Variants in KIAA1217 observed in about 807,000 individuals in gnomAD.
KIAA1217 encodes sickle tail protein homolog.
In KIAA1217, 88 loss-of-function variants were observed where a neutral mutation model predicts 163.9. That is an observed-to-expected ratio of 0.54 (90% CI 0.45 to 0.64). The LOEUF (loss-of-function observed/expected upper bound fraction) is 0.64, where lower values mean the gene tolerates loss of function less well. Among genes scored for constraint, KIAA1217 ranks in the 30% least tolerant of loss-of-function variants. KIAA1217 has a pLI of 0.00. For missense variants in KIAA1217, 2,372 were observed against 2,475.0 expected (o/e 0.96, Z 0.88); for synonymous variants, 903 against 923.1 (o/e 0.98, Z 0.39).
At chr10:23,849,886 G>T (rs1254856316) in intron 1 of KIAA1217, among the ~76,000 whole-genome samples, 3 of 151,884 alleles carry the variant, frequency 2.0e-5, no homozygotes, top group African/African-American at 7.3e-5. Flanking sequence ...AGAGTTTTCT[G>T]CCAATTTCCA....
At chr10:24,079,536 G>T (rs1402755653) in intron 2 of KIAA1217, among the ~76,000 whole-genome samples, 6 of 152,196 alleles carry the variant, frequency 3.9e-5, no homozygotes, top group African/African-American at 1.4e-4. Context: ...AATATGATCA[G>T]CCAATTTAAA....
In KIAA1217 at chr10:24,095,325, C is replaced by T. The variant is rs553435579; in HGVS notation, c.-171+87951C>T. On this transcript the variant is annotated intron_variant, in intron 2 of 18. Transcript: ENST00000376462. ...AAATGCAGAAATCACCCATCTTCTG[C>T]GTCGCTCATGCTGGGAGCCGTAGAC... Among the ~76,000 whole-genome samples the T allele has an allele frequency of 2.8e-4, 43 of 152,240 alleles. No individual in the cohort carries two copies. The South Asian group carries it at 5.8e-3, about 21-fold the overall frequency.
rs376231695 is a variant in KIAA1217, at chr10:24,422,177, C to T, written c.554-10818C>T. ...ACAAGAACAGCATGGGAAAGACCCA[C>T]CCCCATGATTCAGTTACCTCCCACC... On this transcript the variant is annotated intron_variant, in intron 3 of 20. Transcript: ENST00000376454. 8.5e-5 allele frequency among the ~76,000 whole-genome samples: 13 copies of T among 152,214 alleles called. 1 individual carries two copies. Among genetic ancestry groups the T allele is most frequent in the East Asian group, 3.9e-4 (2 of 5,178 alleles).
intron 3 of KIAA1217, among the ~76,000 whole-genome samples, chr10:24,418,535 C>T (rs970422278): frequency 2.0e-5 from 3 of 152,158 alleles, no homozygotes; most frequent in African/African-American, 7.2e-5. Flanking sequence ...ATGCTGAAAA[C>T]TTTCTAAAGA....
chr10:24,124,401 C>G (rs993386017), intron 2 of KIAA1217, among the ~76,000 whole-genome samples: 1 of 151,906 alleles, frequency 6.6e-6, no homozygotes, highest in African/African-American at 2.4e-5. Context: ...CAGTTCTGCT[C>G]ATTCTTTAGT....
At chr10:23,954,192 T>G (rs941137205) in intron 1 of KIAA1217, among the ~76,000 whole-genome samples, 1 of 152,214 alleles carries the variant, frequency 6.6e-6, no homozygotes, top group Middle Eastern at 3.4e-3. Context: ...AGTAAGTCAA[T>G]AGACGGAAAG....
In KIAA1217 at chr10:24,511,152, C is replaced by CAAAAAAAAAAAA. The variant is rs58529942; in HGVS notation, c.2002-2097_2002-2086dup. The stretch of plus-strand genomic sequence containing the variant: ...TGGGCAACAGAGTGAGACTCTGTCT[C>CAAAAAAAAAAAA]AAAAAAAAAAAAAAAAAAAAAGGAG... On this transcript the variant is annotated intron_variant, in intron 9 of 20. Coordinates refer to ENST00000376454, the MANE Select transcript of KIAA1217 (RefSeq NM_019590.5). Among the ~76,000 whole-genome samples, 192 of 34,446 alleles carry CAAAAAAAAAAAA rather than the reference C, an allele frequency of 5.6e-3. 31 individuals are homozygous for CAAAAAAAAAAAA. The highest frequency in any genetic ancestry group is 0.04 in the East Asian group (35 of 884). The allele number at this position is 34,446 out of a possible 152,430, so 22.6% of individuals were successfully genotyped here.
intron 1 of KIAA1217, among the ~76,000 whole-genome samples, chr10:23,770,772 C>T (rs565268867): frequency 1.3e-5 from 2 of 152,286 alleles, no homozygotes; most frequent in East Asian, 1.9e-4. Flanking sequence ...ATGGATTGAC[C>T]TTTGATCTCC....
intron 1 of KIAA1217, among the ~76,000 whole-genome samples, chr10:23,936,950 C>T (rs537650110): frequency 9.2e-5 from 14 of 152,242 alleles, no homozygotes; most frequent in African/African-American, 3.4e-4. Context: ...GTCATCTCAG[C>T]TTACTGCAAC....
chr10:24,384,284 T>A (rs1320104676), intron 3 of KIAA1217, among the ~76,000 whole-genome samples: 2 of 40,710 alleles, frequency 4.9e-5, no homozygotes, highest in African/African-American at 5.5e-4. Flanking sequence ...TTATCATGAA[T>A]TTTTTTTATC....
intron 1 of KIAA1217, among the ~76,000 whole-genome samples, chr10:23,911,792 C>G (rs1196399077): frequency 2.6e-5 from 4 of 152,082 alleles, no homozygotes; most frequent in Non-Finnish European, 5.9e-5. Context: ...TTCAACTCTT[C>G]CTTCTGTATG....
chr10:24,446,621 C>T (rs533774064), intron 5 of KIAA1217, among the ~76,000 whole-genome samples: 2 of 152,240 alleles, frequency 1.3e-5, no homozygotes, highest in Admixed American at 1.3e-4. Flanking sequence ...ATTTAGAGAT[C>T]GTTTTTGACC....
chr10:23,731,969 A>C (rs1194215967), intron 1 of KIAA1217, among the ~76,000 whole-genome samples: 1 of 152,124 alleles, frequency 6.6e-6, no homozygotes, highest in Non-Finnish European at 1.5e-5. Flanking sequence ...GTTGTGGTGT[A>C]TAACTCTTGT....
intron 2 of KIAA1217, among the ~76,000 whole-genome samples, chr10:24,052,844 T>G (rs1849614102): frequency 6.6e-6 from 1 of 152,112 alleles, no homozygotes; most frequent in Non-Finnish European, 1.5e-5. Context: ...TAGGAGCAAA[T>G]TATCACGAGC....
At chr10:23,927,325 G>GGTGTGTGT (rs57321785) in intron 1 of KIAA1217, among the ~76,000 whole-genome samples, 8,448 of 143,008 alleles carry the variant, frequency 0.059, 559 homozygotes, top group African/African-American at 0.17. Flanking sequence ...CAAGTCATAG[G>GGTGTGTGT]GTGTGTGTGT....
At chr10:23,824,583 G>T (rs1837784616) in intron 1 of KIAA1217, among the ~76,000 whole-genome samples, 1 of 133,768 alleles carries the variant, frequency 7.5e-6, no homozygotes, top group South Asian at 2.5e-4. Flanking sequence ...AGCTGAGATG[G>T]CGCCATTGCA....
At chr10:23,819,236 C>T (rs2131007991) in intron 1 of KIAA1217, among the ~76,000 whole-genome samples, 1 of 152,218 alleles carries the variant, frequency 6.6e-6, no homozygotes, top group South Asian at 2.1e-4. Context: ...TGTCCAGGTT[C>T]CTTGCAGTCA....
chr10:24,384,815 C>T (rs1448105192), intron 3 of KIAA1217, among the ~76,000 whole-genome samples: 2 of 152,224 alleles, frequency 1.3e-5, no homozygotes, highest in East Asian at 1.9e-4. Flanking sequence ...GGATTACTGG[C>T]GTGAGCCACC....
intron 1 of KIAA1217, among the ~76,000 whole-genome samples, chr10:23,848,609 T>G: frequency 6.6e-6 from 1 of 152,086 alleles, no homozygotes; most frequent in East Asian, 1.9e-4. Context: ...TCTGGCATTT[T>G]ATATTTTTGT....
Sources: allele counts gnomAD v4.1 joint callset (sites outside exome capture counted in the v4.1 genomes callset), GRCh38; gene constraint gnomAD v4.1.1; transcripts MANE v1.5; gene names NCBI Gene and HGNC (gene_info 2026-07-23, HGNC 2026-07-21).